Variants in ROBO2 observed in about 807,000 individuals in gnomAD.
The protein encoded by ROBO2 is roundabout guidance receptor 2.
Under a neutral mutation model 160.8 loss-of-function variants are expected in ROBO2, and 53 were observed. That is an observed-to-expected ratio of 0.33 (90% CI 0.26 to 0.41). ROBO2 has a LOEUF of 0.41. ROBO2 is among the 10% of genes least tolerant of loss of function. The pLI is 1.00. For synonymous variants in ROBO2, 664 were observed against 611.7 expected, an observed-to-expected ratio of 1.09 and a Z score of -1.26; for missense variants, 1,577 against 1,722.4, an observed-to-expected ratio of 0.92 and a Z score of 1.49.
At chr3:76,034,729 A>C (rs1041259927) in intron 2 of ROBO2, among the ~76,000 whole-genome samples, 1 of 152,050 alleles carries the variant, frequency 6.6e-6, no homozygotes, top group African/African-American at 2.4e-5. Context: ...AAGCTCTTCA[A>C]TTTCTTCCAG....
chr3:77,507,284 C>T (rs950446625), intron 5 of ROBO2, among the ~76,000 whole-genome samples: 7 of 152,164 alleles, frequency 4.6e-5, no homozygotes, highest in Non-Finnish European at 1.0e-4. Context: ...CACAGCATCT[C>T]GGACTGAACA....
At chr3:76,649,355 A>G (rs970370173) in intron 2 of ROBO2, among the ~76,000 whole-genome samples, 4 of 152,192 alleles carry the variant, frequency 2.6e-5, no homozygotes, top group Admixed American at 2.6e-4. Context: ...ATTTCAGAAT[A>G]AACTTAATTT....
intron 2 of ROBO2, among the ~76,000 whole-genome samples, chr3:76,071,550 G>A (rs781375854): frequency 6.1e-4 from 92 of 151,904 alleles, no homozygotes; most frequent in Admixed American, 1.6e-3. Context: ...GGATATATTC[G>A]TATCTTTAGG....
At chr3:76,419,860 C>G (rs2075916683) in intron 2 of ROBO2, among the ~76,000 whole-genome samples, 1 of 152,088 alleles carries the variant, frequency 6.6e-6, no homozygotes, top group Non-Finnish European at 1.5e-5. Flanking sequence ...TGTGAAGCAA[C>G]TAACTCTAAT....
chr3:76,147,685 A>C (rs575196381), intron 2 of ROBO2, among the ~76,000 whole-genome samples: 1 of 152,136 alleles, frequency 6.6e-6, no homozygotes, highest in South Asian at 2.1e-4. Context: ...ATGATTGCAA[A>C]GCAGCCAAGA....
chr3:77,112,070 G>A (rs906722059), intron 2 of ROBO2, among the ~76,000 whole-genome samples: 1 of 151,734 alleles, frequency 6.6e-6, no homozygotes, highest in Admixed American at 6.6e-5. Context: ...ATAGTTAGCC[G>A]GGTGTAGCGG....
chr3:76,028,695 G>A (rs1260236140), intron 2 of ROBO2, among the ~76,000 whole-genome samples: 1 of 151,924 alleles, frequency 6.6e-6, no homozygotes, highest in Non-Finnish European at 1.5e-5. Context: ...ATCAAGAATA[G>A]ACCTAAGAAG....
intron 2 of ROBO2, among the ~76,000 whole-genome samples, chr3:76,786,438 G>A (rs536379753): frequency 4.0e-4 from 61 of 151,414 alleles, no homozygotes; most frequent in African/African-American, 1.4e-3. Context: ...GAAGGTGAAG[G>A]GGAAGTAGGC....
chr3:76,257,896 T>G (rs1706504692), intron 2 of ROBO2, among the ~76,000 whole-genome samples: 1 of 152,108 alleles, frequency 6.6e-6, no homozygotes, highest in South Asian at 2.1e-4. Flanking sequence ...TGAAAGAAAT[T>G]TTTCATTTTA....
intron 5 of ROBO2, among the ~76,000 whole-genome samples, chr3:77,519,291 A>C (rs1444747206): frequency 6.6e-6 from 1 of 151,366 alleles, no homozygotes; most frequent in Non-Finnish European, 1.5e-5. Flanking sequence ...CAGATTTCAG[A>C]CTTAGTTTGG....
intron 2 of ROBO2, among the ~76,000 whole-genome samples, chr3:76,074,771 A>G (rs2107985913): frequency 6.6e-6 from 1 of 152,364 alleles, no homozygotes; most frequent in Middle Eastern, 3.4e-3. Context: ...CTAGTTTTTT[A>G]ATGAAAAAAG....
chr3:77,098,095 C>T (rs751711354), exon 2 of ROBO2: 3 of 1,610,370 alleles, frequency 1.9e-6, no homozygotes, highest in East Asian at 2.2e-5. Context: ...GGCGAGCCCA[C>T]GACTCTGAAC....
At chr3:77,057,419 C>T (rs2065864498) in intron 1 of ROBO2, among the ~76,000 whole-genome samples, 1 of 151,766 alleles carries the variant, frequency 6.6e-6, no homozygotes, top group African/African-American at 2.4e-5. Context: ...ATGTAACAAA[C>T]CTGCATGTTG....
intron 2 of ROBO2, among the ~76,000 whole-genome samples, chr3:77,187,567 T>C (rs1354989448): frequency 6.6e-6 from 1 of 151,952 alleles, no homozygotes; most frequent in Non-Finnish European, 1.5e-5. Context: ...AATACTTCAG[T>C]CCCACTGCAG....
intron 5 of ROBO2, among the ~76,000 whole-genome samples, chr3:77,518,360 A>T (rs980592388): frequency 2.1e-4 from 32 of 151,498 alleles, no homozygotes; most frequent in African/African-American, 7.7e-4. Flanking sequence ...CATCACATAA[A>T]CTGCTGATAA....
chr3:77,565,614 G>C (rs1582984201), intron 12 of ROBO2, among the ~76,000 whole-genome samples: 2 of 152,092 alleles, frequency 1.3e-5, no homozygotes, highest in Admixed American at 6.6e-5. Flanking sequence ...AAATTCAAAC[G>C]CTCTGAGGTT....
intron 2 of ROBO2, among the ~76,000 whole-genome samples, chr3:77,463,310 A>G (rs1029257959): frequency 6.6e-6 from 1 of 152,198 alleles, no homozygotes; most frequent in Non-Finnish European, 1.5e-5. Context: ...ATTAAAATCA[A>G]CTTTTAAAAT....
At chr3:76,864,736 G>T (rs6794793) in intron 2 of ROBO2, among the ~76,000 whole-genome samples, 4,757 of 152,078 alleles carry the variant, frequency 0.031, 199 homozygotes, top group East Asian at 0.12. Flanking sequence ...ATGTTTTGTT[G>T]TCTAACAATT....
chr3:76,828,041 C>A (rs1028157328), intron 2 of ROBO2, among the ~76,000 whole-genome samples: 1 of 152,108 alleles, frequency 6.6e-6, no homozygotes, highest in African/African-American at 2.4e-5. Flanking sequence ...TGTTTATCCC[C>A]ACTACAGATC....
Sources: gnomAD v4.1 joint callset for allele counts (sites outside exome capture counted in the v4.1 genomes callset) on GRCh38, gnomAD v4.1.1 for gene constraint, MANE v1.5 for transcripts, NCBI Gene and HGNC (gene_info 2026-07-23, HGNC 2026-07-21) for gene names.